Variants in ARB2A observed in about 807,000 individuals in gnomAD.
The protein encoded by ARB2A is ARB2 cotranscriptional regulator A.
the ARB2A span, among the ~76,000 whole-genome samples, chr5:94,089,487 G>A: frequency 6.9e-4 from 105 of 151,826 alleles, no homozygotes; most frequent in African/African-American, 2.0e-3. Flanking sequence ...CGATAAATTC[G>A]GACAGCTTTT....
chr5:93,664,200 C>T, the ARB2A span, among the ~76,000 whole-genome samples: 2 of 151,996 alleles, frequency 1.3e-5, no homozygotes, highest in African/African-American at 2.4e-5. Context: ...CCCGCCTCAG[C>T]TTCCCAAGTA....
the ARB2A span, among the ~76,000 whole-genome samples, chr5:93,679,839 C>T: frequency 6.6e-6 from 1 of 152,086 alleles, no homozygotes; most frequent in Non-Finnish European, 1.5e-5. Context: ...CTCAAAGATA[C>T]ATAACTCAAT....
the ARB2A span, among the ~76,000 whole-genome samples, chr5:93,909,444 AT>A: frequency 4.2e-4 from 63 of 151,062 alleles, no homozygotes; most frequent in Middle Eastern, 3.4e-3. Context: ...TGAAAAAAAA[AT>A]GTTATTGATC....
At chr5:93,865,963 T>C in the ARB2A span, 11 of 985,380 alleles carry the variant, frequency 1.1e-5, no homozygotes, top group Non-Finnish European at 1.3e-5. Context: ...ACTCCAGGGG[T>C]TGCTAGTAAG....
the ARB2A span, among the ~76,000 whole-genome samples, chr5:93,973,913 G>C: frequency 6.6e-6 from 1 of 152,160 alleles, no homozygotes; most frequent in Non-Finnish European, 1.5e-5. Flanking sequence ...TCTGAACATG[G>C]AAATGAAAGA....
At chr5:93,795,262 C>T in the ARB2A span, among the ~76,000 whole-genome samples, 2 of 152,184 alleles carry the variant, frequency 1.3e-5, no homozygotes, top group African/African-American at 4.8e-5. Context: ...CCTCACCCCG[C>T]TCCCATGCGG....
the ARB2A span, among the ~76,000 whole-genome samples, chr5:94,100,069 T>C: frequency 9.2e-5 from 14 of 152,304 alleles, no homozygotes; most frequent in East Asian, 2.7e-3. Flanking sequence ...CTCCTTCAGC[T>C]GATAAACAAC....
the ARB2A span, among the ~76,000 whole-genome samples, chr5:93,976,719 C>A: frequency 2.6e-5 from 4 of 152,036 alleles, no homozygotes; most frequent in Admixed American, 2.6e-4. Flanking sequence ...CAATTAAAAC[C>A]CTTTCCTTTA....
chr5:93,945,713 G>A, the ARB2A span, among the ~76,000 whole-genome samples: 1 of 151,960 alleles, frequency 6.6e-6, no homozygotes, highest in African/African-American at 2.4e-5. Flanking sequence ...ATAGAGAAGT[G>A]TAAAATTATC....
the ARB2A span, among the ~76,000 whole-genome samples, chr5:94,095,422 T>C: frequency 4.6e-5 from 7 of 152,120 alleles, no homozygotes; most frequent in African/African-American, 9.7e-5. Flanking sequence ...CAGCAAACTA[T>C]ACAAGCCTTC....
the ARB2A span, among the ~76,000 whole-genome samples, chr5:93,671,767 T>C: frequency 6.6e-6 from 1 of 152,184 alleles, no homozygotes; most frequent in Non-Finnish European, 1.5e-5. Context: ...ATTTTTAAGA[T>C]TGTTATAATT....
chr5:93,699,346 G>A, the ARB2A span, among the ~76,000 whole-genome samples: 244 of 152,258 alleles, frequency 1.6e-3, 1 homozygote, highest in African/African-American at 5.6e-3. Flanking sequence ...GAATAGTTTG[G>A]TTCGCAAAAA....
the ARB2A span, among the ~76,000 whole-genome samples, chr5:94,031,375 T>G: frequency 6.6e-6 from 1 of 152,208 alleles, no homozygotes; most frequent in African/African-American, 2.4e-5. Flanking sequence ...GTAATGGTCA[T>G]GCTTGTTATA....
At chr5:93,941,106 G>C in the ARB2A span, among the ~76,000 whole-genome samples, 1 of 152,042 alleles carries the variant, frequency 6.6e-6, no homozygotes, top group African/African-American at 2.4e-5. Context: ...CTTTTCTCTA[G>C]GGAAGTTATA....
the ARB2A span, among the ~76,000 whole-genome samples, chr5:93,815,159 C>T: frequency 2.0e-5 from 3 of 152,294 alleles, no homozygotes; most frequent in African/African-American, 7.2e-5. Flanking sequence ...CACTTTCAAT[C>T]CACAAAGTCA....
chr5:94,075,323 G>A, the ARB2A span, among the ~76,000 whole-genome samples: 16 of 151,960 alleles, frequency 1.1e-4, no homozygotes, highest in South Asian at 1.0e-3. Flanking sequence ...TAAATGAAAC[G>A]ATGTCATCAG....
chr5:94,068,958 C>T, the ARB2A span, among the ~76,000 whole-genome samples: 2 of 151,758 alleles, frequency 1.3e-5, no homozygotes, highest in South Asian at 2.1e-4. Context: ...TCGCTTGAAC[C>T]CAGGAGGCAG....
At chr5:94,050,596 AC>A in the ARB2A span, 5 of 639,712 alleles carry the variant, frequency 7.8e-6, no homozygotes, top group African/African-American at 1.9e-5. Context: ...CTAAAAAGGA[AC>A]AAAAAAAAAA....
the ARB2A span, among the ~76,000 whole-genome samples, chr5:93,960,088 C>CG: frequency 4.8e-5 from 7 of 144,742 alleles, no homozygotes; most frequent in African/African-American, 1.3e-4. Context: ...GATGCCCCCC[C>CG]CCCCCCCAAA....
Sources: allele counts gnomAD v4.1 joint callset (sites outside exome capture counted in the v4.1 genomes callset), GRCh38; gene constraint gnomAD v4.1.1; transcripts MANE v1.5; gene names NCBI Gene and HGNC (gene_info 2026-07-23, HGNC 2026-07-21).